NSL1: variants seen among roughly 807,000 people sequenced by gnomAD.
NSL1 encodes the protein kinetochore-associated protein NSL1 homolog.
In NSL1, 11 loss-of-function variants were observed where a neutral mutation model predicts 25.4. That is an observed-to-expected ratio of 0.43 (90% CI 0.27 to 0.72). NSL1 has a LOEUF of 0.72. Among genes scored for constraint, NSL1 ranks in the 30% least tolerant of loss-of-function variants. NSL1 has a pLI of 0.19. For missense variants in NSL1, 330 were observed against 342.7 expected (o/e 0.96, Z 0.29); for synonymous variants, 118 against 120.6 (o/e 0.98, Z 0.14).
Position 212,780,775 on chromosome 1 carries a change from A to T in NSL1, c.499+1597T>A, listed in dbSNP as rs577538854. 1.8e-4 allele frequency among the ~76,000 whole-genome samples: 27 copies of T among 152,338 alleles called. No individual in the cohort carries two copies. In the South Asian group the frequency reaches 5.2e-3, roughly 29 times the overall value. The stretch of plus-strand genomic sequence containing the variant: ...TTATAAATGGGATGCAATTTATAAT[A>T]GGGTTATTATTATACAATATATCCT... On this transcript the variant is annotated intron_variant, in intron 4 of 5. Coordinates refer to ENST00000366977, the MANE Select transcript of NSL1 (RefSeq NM_015471.4).
intron 4 of NSL1, among the ~76,000 whole-genome samples, chr1:212,761,539 G>A (rs911096649): frequency 4.6e-5 from 7 of 152,176 alleles, no homozygotes; most frequent in South Asian, 2.1e-4. Flanking sequence ...CTTGGGAGGC[G>A]GAGGTGGAAG....
intron 4 of NSL1, among the ~76,000 whole-genome samples, chr1:212,751,855 T>TC (rs1345642223): frequency 6.6e-6 from 1 of 152,188 alleles, no homozygotes; most frequent in African/African-American, 2.4e-5. Flanking sequence ...TTTCACTCCC[T>TC]CACTCAAGAT....
At chr1:212,757,632 CCA>C (rs1232398946) in intron 4 of NSL1, among the ~76,000 whole-genome samples, 2 of 151,990 alleles carry the variant, frequency 1.3e-5, no homozygotes, top group African/African-American at 4.8e-5. Flanking sequence ...TGGGGAGGTG[CCA>C]CAGTCTTTAA....
At chr1:212,784,703 A>C (rs1660867741) in intron 2 of NSL1, among the ~76,000 whole-genome samples, 1 of 152,240 alleles carries the variant, frequency 6.6e-6, no homozygotes, top group Non-Finnish European at 1.5e-5. Context: ...AGCCAGGCCT[A>C]AACAAGAGAA....
intron 4 of NSL1, among the ~76,000 whole-genome samples, chr1:212,777,191 T>G (rs1484145148): frequency 1.3e-5 from 2 of 151,790 alleles, no homozygotes; most frequent in Non-Finnish European, 2.9e-5. Context: ...CTGGGTAACA[T>G]AGTGGGACTC....
chr1:212,748,411 G>A (rs1034723333), intron 4 of NSL1, among the ~76,000 whole-genome samples: 8 of 152,138 alleles, frequency 5.3e-5, no homozygotes, highest in African/African-American at 1.7e-4. Context: ...GTATAAATGT[G>A]GTATAAGAAT....
Position 212,738,622 on chromosome 1 carries a change from AT to A in NSL1, c.631del (p.Ile211SerfsTer26), listed in dbSNP as rs779079461. 1.2e-6 allele frequency: 2 copies of A among 1,614,170 alleles called. No individual in the cohort carries two copies. The highest frequency in any genetic ancestry group is 3.3e-5 in the Admixed American group (2 of 60,008). ...FSQVLRMQPV[I>X]HLQRIHQEVF... The stretch of plus-strand genomic sequence containing the variant: ...TTCTTGGTGAATCCTCTGGAGGTGG[AT>A]AACAGGCTGCATCCTGAGAACTTGG... On this transcript the variant is annotated frameshift_variant, in exon 6 of 6. Transcript: ENST00000366977. LOFTEE classifies it low-confidence loss of function (END_TRUNC).
chr1:212,779,669 GC>G (rs1660607905), intron 4 of NSL1, among the ~76,000 whole-genome samples: 1 of 112,262 alleles, frequency 8.9e-6, no homozygotes, highest in African/African-American at 3.5e-5. Context: ...CCTCTGCCTG[GC>G]CGCCCCTACT....
chr1:212,734,011 CATTTT>C lies in NSL1; in HGVS notation c.*4392_*4396del, dbSNP rs773185294. Among the ~76,000 whole-genome samples the C allele has an allele frequency of 2.0e-5, 3 of 152,110 alleles. No individual in the cohort carries two copies. Among genetic ancestry groups the C allele is most frequent in the Admixed American group, 6.6e-5 (1 of 15,266 alleles). On this transcript the variant is annotated 3_prime_UTR_variant, in exon 6 of 6. Transcript: ENST00000366977. ...TTCTGTTTTATTTTTGGGAAAATTT[CATTTT>C]ATCTCCCAGCCCTCCCACTGAATTT...
chr1:212,759,976 C>G (rs1309130734), intron 4 of NSL1, among the ~76,000 whole-genome samples: 1 of 152,152 alleles, frequency 6.6e-6, no homozygotes, highest in African/African-American at 2.4e-5. Context: ...GGGACAGGCC[C>G]ACCCAGATGC....
At chr1:212,787,514 C>T (rs1294449371) in intron 2 of NSL1, 45 bp downstream of exon 2, 1 of 1,434,434 alleles carries the variant, frequency 7.0e-7, no homozygotes. Context: ...AAATTAGCTG[C>T]AAAAATAACC....
At chr1:212,770,644 C>G (rs907633765) in intron 4 of NSL1, among the ~76,000 whole-genome samples, 1 of 152,158 alleles carries the variant, frequency 6.6e-6, no homozygotes, top group Non-Finnish European at 1.5e-5. Context: ...CAATTCTTTT[C>G]AAACTATTCC....
chr1:212,726,972 T>G lies in NSL1; in HGVS notation c.*11436A>C. The G allele has an allele frequency of 1.5e-6, 1 of 685,614 alleles. No individual in the cohort carries two copies. The highest frequency in any genetic ancestry group is 2.3e-6 in the Non-Finnish European group (1 of 427,588). 42.5% of individuals were successfully genotyped at this position (685,614 alleles called of 1,614,324 possible). Reference sequence around the variant, plus strand: ...TGGTGGGTGAAGAGCACAGGGAGAGTGTGCTTCCTGGCTGTGTCCTCTCAG... The same window carrying G: ...TGGTGGGTGAAGAGCACAGGGAGAGGGTGCTTCCTGGCTGTGTCCTCTCAG... On this transcript the variant is annotated 3_prime_UTR_variant, in exon 6 of 6. Coordinates refer to ENST00000366977, the MANE Select transcript of NSL1 (RefSeq NM_015471.4).
chr1:212,770,372 G>A (rs1660045975), intron 4 of NSL1, among the ~76,000 whole-genome samples: 2 of 151,944 alleles, frequency 1.3e-5, no homozygotes, highest in South Asian at 4.2e-4. Flanking sequence ...GATCATCAGA[G>A]ACTATTAAAA....
chr1:212,762,828 G>A (rs1472404359), intron 4 of NSL1, among the ~76,000 whole-genome samples: 2 of 152,180 alleles, frequency 1.3e-5, no homozygotes, highest in East Asian at 1.9e-4. Flanking sequence ...ACAGAGGCAA[G>A]CCATTCCTGA....
At position 212,730,005 on chromosome 1, in the gene NSL1, C is replaced by A; in HGVS notation, c.*8403G>T. 1 of 982,508 alleles carries A rather than the reference C, an allele frequency of 1.0e-6. No homozygotes were observed. The highest frequency in any genetic ancestry group is 1.2e-6 in the Non-Finnish European group (1 of 827,632). 60.9% of individuals were successfully genotyped at this position (982,508 alleles called of 1,614,324 possible). ...GCGGCTCACTCCTGTAATCACAGCACTTTGGGAGGCCAGGGCGAGTGGATC... is the reference window on the plus strand; with the variant it reads ...GCGGCTCACTCCTGTAATCACAGCAATTTGGGAGGCCAGGGCGAGTGGATC... On this transcript the variant is annotated 3_prime_UTR_variant, in exon 6 of 6. Coordinates refer to ENST00000366977, the MANE Select transcript of NSL1 (RefSeq NM_015471.4).
At position 212,791,587 on chromosome 1, in the gene NSL1, C is replaced by G; in HGVS notation, c.177G>C (p.Lys59Asn). Residue 59 changes from lysine to asparagine, a missense_variant, in exon 1 of 6, where the codon AAG becomes AAC. Physicochemically the swap from Lys to Asn is moderately conservative, Grantham distance 94. Coordinates refer to ENST00000366977, the MANE Select transcript of NSL1 (RefSeq NM_015471.4). ...MLQLCGRFVQ[K>N]LGDALPEEIR... ...TCTCCTCCGGCAGAGCGTCCCCGAG[C>G]TTTTGCACGAAGCGGCCGCACAGTT... is the stretch of plus-strand genomic sequence containing the variant. 1 of 1,613,936 alleles carries G rather than the reference C, an allele frequency of 6.2e-7. No homozygotes were observed. Among genetic ancestry groups the G allele is most frequent in the Non-Finnish European group, 8.5e-7 (1 of 1,180,034 alleles).
chr1:212,732,718 T>G lies in NSL1; in HGVS notation c.*5690A>C. The G allele has an allele frequency of 2.1e-6, 2 of 946,378 alleles. No individual in the cohort carries two copies. Among genetic ancestry groups the G allele is most frequent in the Non-Finnish European group, 2.5e-6 (2 of 794,238 alleles). 58.6% of individuals were successfully genotyped at this position (946,378 alleles called of 1,614,324 possible). On this transcript the variant is annotated 3_prime_UTR_variant, in exon 6 of 6. Coordinates refer to ENST00000366977, the MANE Select transcript of NSL1 (RefSeq NM_015471.4). Reference sequence around the variant, plus strand: ...TCCCAGATCCCATGGCTGCTGCTTTTTTGGTTTACCCTTTGGAATAGAGCA... The same window carrying G: ...TCCCAGATCCCATGGCTGCTGCTTTGTTGGTTTACCCTTTGGAATAGAGCA...
rs564786273 is a variant in NSL1, at chr1:212,741,779, TAAGTAA to T, written c.500-2184_500-2179del. Among the ~76,000 whole-genome samples, 7 of 152,292 alleles carry T rather than the reference TAAGTAA, an allele frequency of 4.6e-5. No individual in the cohort carries two copies. In the East Asian group the frequency reaches 1.3e-3, roughly 29 times the overall value. On this transcript the variant is annotated intron_variant, in intron 4 of 5. Coordinates refer to ENST00000366977, the MANE Select transcript of NSL1 (RefSeq NM_015471.4). ...ACAGCTGAGCAGTAGGTACTTATAA[TAAGTAA>T]AAATGGTCCCTGCCCATCAAGGAAC...
Sources: allele counts gnomAD v4.1 joint callset (sites outside exome capture counted in the v4.1 genomes callset), GRCh38; gene constraint gnomAD v4.1.1; transcripts MANE v1.5; gene names NCBI Gene and HGNC (gene_info 2026-07-23, HGNC 2026-07-21).